SPAG6: variants seen among roughly 807,000 people sequenced by gnomAD.
The protein encoded by SPAG6 is sperm associated antigen 6.
SPAG6 carries 49 observed loss-of-function variants against 58.5 expected under a neutral mutation model. That is an observed-to-expected ratio of 0.84 (90% CI 0.67 to 1.06). The LOEUF is 1.06. Among genes scored for constraint, SPAG6 ranks in the 50% least tolerant of loss-of-function variants. The pLI, the probability that SPAG6 is intolerant of heterozygous loss-of-function variation, is 0.00. For synonymous variants in SPAG6, 233 were observed against 225.6 expected, an observed-to-expected ratio of 1.03 and a Z score of -0.29; for missense variants, 560 against 611.3, an observed-to-expected ratio of 0.92 and a Z score of 0.89.
chr10:22,403,752 C>T (rs375065296), intron 9 of SPAG6, among the ~76,000 whole-genome samples: 1 of 146,352 alleles, frequency 6.8e-6, no homozygotes, highest in South Asian at 2.2e-4. Flanking sequence ...GTCCCACCAA[C>T]AGTGTAAAAG....
chr10:22,346,195 G>C (rs971412781), intron 2 of SPAG6: 28 of 938,398 alleles, frequency 3.0e-5, no homozygotes, highest in Non-Finnish European at 3.9e-5. Context: ...TCACAGCAAA[G>C]CAATTCCAGT....
At chr10:22,387,746 C>T in intron 5 of SPAG6, 77 bp from the exon 6 acceptor site, 2 of 1,373,224 alleles carry the variant, frequency 1.5e-6, no homozygotes, top group Non-Finnish European at 9.7e-7. Flanking sequence ...ATATATAAAA[C>T]TGTTTACATT....
At chr10:22,377,329 A>C in intron 4 of SPAG6, among the ~76,000 whole-genome samples, 1 of 152,186 alleles carries the variant, frequency 6.6e-6, no homozygotes, top group East Asian at 1.9e-4. Flanking sequence ...TCTGAGCCAC[A>C]ACCACCTAGC....
In SPAG6 at chr10:22,389,286, C is replaced by T; in HGVS notation, c.979C>T (p.Leu327=). The T allele has an allele frequency of 6.2e-7, 1 of 1,612,302 alleles. No homozygotes were observed. The change falls in exon 7 of 11, where the codon CTA becomes TTA. Residue 327 remains leucine (L), a synonymous_variant. Transcript: ENST00000376624. Reference sequence around the variant, plus strand: ...TTATGTAGCAGCTCATTCTGAGAACCTAGCAATGGCAGTCATCATTTCTAA... The same window carrying T: ...TTATGTAGCAGCTCATTCTGAGAACTTAGCAATGGCAGTCATCATTTCTAA... ...LGYVAAHSEN[L]AMAVIISKGV...
intron 2 of SPAG6, among the ~76,000 whole-genome samples, chr10:22,349,462 C>G (rs1226234964): frequency 6.6e-6 from 1 of 152,076 alleles, no homozygotes; most frequent in Non-Finnish European, 1.5e-5. Flanking sequence ...AAAATTTCAG[C>G]AATTGGAGGT....
chr10:22,354,993 C>CAA (rs1197423245), intron 2 of SPAG6, among the ~76,000 whole-genome samples: 3 of 75,536 alleles, frequency 4.0e-5, no homozygotes, highest in African/African-American at 4.6e-5. Context: ...GACTCCGTCT[C>CAA]AAAAAAAAAA....
At position 22,384,775 on chromosome 10, in the gene SPAG6, A is replaced by C. The variant is rs538768208; in HGVS notation, c.473-1979A>C. 2.6e-5 allele frequency among the ~76,000 whole-genome samples: 4 copies of C among 152,342 alleles called. No homozygotes were observed. The South Asian group carries it at 8.3e-4, about 32-fold the overall frequency. On this transcript the variant is annotated intron_variant, in intron 4 of 10. Coordinates refer to ENST00000376624, the MANE Select transcript of SPAG6 (RefSeq NM_012443.4). ...GAGAGAATAGAAAACTTGGGCAACA[A>C]GTTAGAAGAACAGAATTTGCTTTCT... is the stretch of plus-strand genomic sequence containing the variant.
rs61918388 is a variant in SPAG6 at position 22,403,380 on chromosome 10, C to T, written c.1314+2103C>T. On this transcript the variant is annotated intron_variant, in intron 9 of 10. Transcript: ENST00000376624. The stretch of plus-strand genomic sequence containing the variant: ...ATTCCCACCTATGAGTGAGAATATG[C>T]GGTGTTTGGTTTTTTGTTCTTGCGA... Among the ~76,000 whole-genome samples the T allele has an allele frequency of 9.7e-3, 1,470 of 151,936 alleles. 25 individuals are homozygous for T. Among genetic ancestry groups the T allele is most frequent in the African/African-American group, 0.033 (1,361 of 41,454 alleles).
rs149715229 is a variant in SPAG6 at position 22,416,267 on chromosome 10, A to G, written c.1461-352A>G. 5.8e-3 allele frequency among the ~76,000 whole-genome samples: 880 copies of G among 152,218 alleles called. 6 individuals are homozygous for G. The highest frequency in any genetic ancestry group is 0.019 in the African/African-American group (802 of 41,546). On this transcript the variant is annotated intron_variant, in intron 10 of 10. Coordinates refer to ENST00000376624, the MANE Select transcript of SPAG6 (RefSeq NM_012443.4). ...GTCTAACTTATGAAAAAAAAAATCT[A>G]TTAGCTAGGATCCTTAAAGCAACAT...
chr10:22,403,912 G>A (rs569733808), intron 9 of SPAG6, among the ~76,000 whole-genome samples: 1 of 151,488 alleles, frequency 6.6e-6, no homozygotes, highest in African/African-American at 2.4e-5. Context: ...TTCATGTGTT[G>A]TTTGGCTGCA....
intron 4 of SPAG6, among the ~76,000 whole-genome samples, chr10:22,383,749 C>G (rs1357198043): frequency 6.6e-6 from 1 of 152,192 alleles, no homozygotes; most frequent in East Asian, 1.9e-4. Context: ...CCTGAACACT[C>G]CACAGACCTG....
intron 4 of SPAG6, among the ~76,000 whole-genome samples, chr10:22,379,503 A>C (rs777434765): frequency 2.0e-5 from 3 of 152,218 alleles, no homozygotes; most frequent in African/African-American, 4.8e-5. Context: ...AAGCCTCATC[A>C]TGAGCAGCCT....
intron 8 of SPAG6, among the ~76,000 whole-genome samples, chr10:22,395,923 G>A (rs534658794): frequency 6.6e-6 from 1 of 152,222 alleles, no homozygotes; most frequent in East Asian, 1.9e-4. Flanking sequence ...CAAGATAATT[G>A]TATTTGTTTG....
chr10:22,365,048 T>G, intron 3 of SPAG6, 29 bp downstream of exon 3: 2 of 1,512,066 alleles, frequency 1.3e-6, no homozygotes, highest in Non-Finnish European at 1.8e-6. Flanking sequence ...TAGTTATATG[T>G]TTTTTTGTTT....
chr10:22,411,840 C>CTTTTTTTTTTTTTTTTTT lies in SPAG6; in HGVS notation c.1460+673_1460+690dup, dbSNP rs546172800. On this transcript the variant is annotated intron_variant, in intron 10 of 10. Coordinates refer to ENST00000376624, the MANE Select transcript of SPAG6 (RefSeq NM_012443.4). ...AAGAGAATGATTTAAACAACTGAATCTTTTTTTTTTTTTTTTTTTTTTTTT... is the reference window on the plus strand; with the variant it reads ...AAGAGAATGATTTAAACAACTGAATCTTTTTTTTTTTTTTTTTTTTTTTTTTTTTTTTTTTTTTTTTTT... Among the ~76,000 whole-genome samples the CTTTTTTTTTTTTTTTTTT allele has an allele frequency of 7.5e-5, 5 of 66,790 alleles. 1 individual carries two copies. The highest frequency in any genetic ancestry group is 2.9e-4 in the African/African-American group (5 of 17,144). The allele number at this position is 66,790 out of a possible 152,430, so 43.8% of individuals were successfully genotyped here.
intron 10 of SPAG6, among the ~76,000 whole-genome samples, chr10:22,414,337 G>A (rs1356246331): frequency 2.0e-5 from 3 of 152,162 alleles, no homozygotes; most frequent in Non-Finnish European, 2.9e-5. Context: ...TGGCCAGAGG[G>A]AAGGAATTTC....
chr10:22,398,400 A>G (rs1404823919), intron 8 of SPAG6, among the ~76,000 whole-genome samples: 1 of 148,010 alleles, frequency 6.8e-6, no homozygotes, highest in Admixed American at 6.6e-5. Flanking sequence ...ATTATATTTC[A>G]TCAAGATAAA....
intron 2 of SPAG6, among the ~76,000 whole-genome samples, chr10:22,359,076 A>G (rs1179141604): frequency 1.3e-5 from 2 of 152,182 alleles, no homozygotes; most frequent in Admixed American, 1.3e-4. Context: ...GTTGCCTCTC[A>G]ACATGGACAG....
intron 7 of SPAG6, 81 bp from the exon 8 acceptor site, chr10:22,391,648 C>T: frequency 7.7e-7 from 1 of 1,290,922 alleles, no homozygotes. Flanking sequence ...GAAGTGATTT[C>T]TTCTCATGTT....
Sources: allele counts gnomAD v4.1 joint callset (sites outside exome capture counted in the v4.1 genomes callset), GRCh38; gene constraint gnomAD v4.1.1; transcripts MANE v1.5; gene names NCBI Gene and HGNC (gene_info 2026-07-23, HGNC 2026-07-21).